Variants in PARM1 observed in about 807,000 individuals in gnomAD.
PARM1 encodes WSC4, cell wall integrity and stress response component 4 homolog.
PARM1 carries 14 observed loss-of-function variants against 24.6 expected under a neutral mutation model. The observed-to-expected ratio is 0.57, with a 90% CI of 0.38 to 0.89. The LOEUF (loss-of-function observed/expected upper bound fraction) is 0.89. Ranked by LOEUF, PARM1 falls within the 40% of genes least tolerant of loss-of-function variation. The pLI, the probability that PARM1 is intolerant of heterozygous loss-of-function variation, is 0.00. For synonymous variants in PARM1, 179 were observed against 156.6 expected (o/e 1.14, Z -1.07); for missense variants, 362 against 380.4 (o/e 0.95, Z 0.40).
chr4:74,933,481 G>C, intron 1 of PARM1, 111 bp downstream of exon 1: 1 of 882,798 alleles, frequency 1.1e-6, no homozygotes, highest in Non-Finnish European at 1.9e-6. Context: ...GCGCGCCTCC[G>C]GGTGAGTGCG....
intron 2 of PARM1, among the ~76,000 whole-genome samples, chr4:75,032,085 C>A (rs1463704190): frequency 6.6e-6 from 1 of 152,058 alleles, no homozygotes; most frequent in Non-Finnish European, 1.5e-5. Context: ...TCTGTCTTTA[C>A]AATAGTAAAA....
At chr4:75,001,612 G>A (rs1252719965) in intron 1 of PARM1, among the ~76,000 whole-genome samples, 1 of 152,176 alleles carries the variant, frequency 6.6e-6, no homozygotes, top group African/African-American at 2.4e-5. Flanking sequence ...TTTACTGCAT[G>A]CAAGTTGTAT....
intron 1 of PARM1, among the ~76,000 whole-genome samples, chr4:74,997,101 C>A (rs182874946): frequency 1.1e-4 from 17 of 152,282 alleles, no homozygotes; most frequent in African/African-American, 4.1e-4. Flanking sequence ...CTTGTGCTTC[C>A]TCCTGCAGAG....
intron 2 of PARM1, among the ~76,000 whole-genome samples, chr4:75,030,988 A>T (rs573828108): frequency 6.6e-6 from 1 of 152,354 alleles, no homozygotes; most frequent in Admixed American, 6.5e-5. Context: ...AAGCCTTTTC[A>T]GTCACCCTAT....
At chr4:75,020,641 CCA>C (rs1280067868) in intron 2 of PARM1, among the ~76,000 whole-genome samples, 1 of 152,176 alleles carries the variant, frequency 6.6e-6, no homozygotes, top group African/African-American at 2.4e-5. Context: ...AGGGTGAAGT[CCA>C]CACACCTTCA....
intron 2 of PARM1, among the ~76,000 whole-genome samples, chr4:75,029,406 A>G (rs1723237818): frequency 6.6e-6 from 1 of 152,018 alleles, no homozygotes; most frequent in South Asian, 2.1e-4. Context: ...CATGGGAGGG[A>G]CCCAGTGGGA....
intron 1 of PARM1, among the ~76,000 whole-genome samples, chr4:74,978,286 A>T (rs778964376): frequency 6.6e-6 from 1 of 152,226 alleles, no homozygotes; most frequent in Non-Finnish European, 1.5e-5. Context: ...TACCAAGCAC[A>T]TGGAAGCTGA....
chr4:74,994,437 A>G (rs1354185922), intron 1 of PARM1, among the ~76,000 whole-genome samples: 2 of 152,174 alleles, frequency 1.3e-5, no homozygotes, highest in Non-Finnish European at 2.9e-5. Context: ...TGCTCAGCTC[A>G]TTTACGGCTA....
At chr4:74,982,432 G>A (rs1427133975) in intron 1 of PARM1, among the ~76,000 whole-genome samples, 1 of 152,012 alleles carries the variant, frequency 6.6e-6, no homozygotes, top group Non-Finnish European at 1.5e-5. Context: ...TGTACATCCT[G>A]CACATGTACC....
At chr4:74,941,180 A>C (rs1721301597) in intron 1 of PARM1, among the ~76,000 whole-genome samples, 1 of 152,226 alleles carries the variant, frequency 6.6e-6, no homozygotes, top group South Asian at 2.1e-4. Context: ...TTTATCTTAA[A>C]AATTACAATG....
intron 1 of PARM1, among the ~76,000 whole-genome samples, chr4:75,000,617 T>C (rs947545473): frequency 6.6e-6 from 1 of 152,132 alleles, no homozygotes; most frequent in African/African-American, 2.4e-5. Context: ...GGCAAACACT[T>C]TTTCAGATGT....
At chr4:75,018,124 G>T (rs1723022837) in intron 2 of PARM1, among the ~76,000 whole-genome samples, 1 of 152,174 alleles carries the variant, frequency 6.6e-6, no homozygotes, top group Non-Finnish European at 1.5e-5. Context: ...CCAGGCATCT[G>T]GTTAAATACT....
chr4:74,962,724 C>T (rs1721803444), intron 1 of PARM1, among the ~76,000 whole-genome samples: 1 of 152,166 alleles, frequency 6.6e-6, no homozygotes, highest in Non-Finnish European at 1.5e-5. Context: ...TTCATAGAAA[C>T]AGAAAGTAGA....
intron 1 of PARM1, among the ~76,000 whole-genome samples, chr4:74,987,951 A>G (rs921229285): frequency 5.9e-5 from 9 of 152,182 alleles, no homozygotes; most frequent in Non-Finnish European, 1.2e-4. Flanking sequence ...TCAATTTCAC[A>G]TTTACTGTGT....
chr4:74,956,759 A>G (rs1321342991), intron 1 of PARM1: 4 of 152,216 alleles, frequency 2.6e-5, no homozygotes, highest in Non-Finnish European at 5.9e-5. Context: ...TGCCAATGTT[A>G]AACCTTTTTT....
chr4:74,998,259 G>T (rs1288285582), intron 1 of PARM1, among the ~76,000 whole-genome samples: 1 of 152,204 alleles, frequency 6.6e-6, no homozygotes, highest in Admixed American at 6.5e-5. Flanking sequence ...ATGTGGCTGT[G>T]TGTACCCAAG....
chr4:74,972,247 G>A (rs754762601), intron 1 of PARM1, among the ~76,000 whole-genome samples: 18 of 152,198 alleles, frequency 1.2e-4, no homozygotes, highest in Non-Finnish European at 2.2e-4. Context: ...CAAGATTGTG[G>A]TCTACTGTTG....
At chr4:74,980,626 T>A (rs1192464135) in intron 1 of PARM1, among the ~76,000 whole-genome samples, 1 of 152,182 alleles carries the variant, frequency 6.6e-6, no homozygotes, top group Non-Finnish European at 1.5e-5. Flanking sequence ...AAAATTCATA[T>A]GGAATCAAAA....
Position 75,025,577 on chromosome 4 carries a change from T to C in PARM1, c.770-8306T>C, listed in dbSNP as rs557157058. On this transcript the variant is annotated intron_variant, in intron 2 of 3. Coordinates refer to ENST00000307428, the MANE Select transcript of PARM1 (RefSeq NM_015393.4). ...CTTTAAAACCATGGTAACCAAGAACTGTGCCGTCATGTGTGCCTGGTTTGC... is the reference window on the plus strand; with the variant it reads ...CTTTAAAACCATGGTAACCAAGAACCGTGCCGTCATGTGTGCCTGGTTTGC... 1.6e-4 allele frequency among the ~76,000 whole-genome samples: 25 copies of C among 152,290 alleles called. No homozygotes were observed. In the East Asian group the frequency reaches 4.1e-3, roughly 25 times the overall value.
Sources: gnomAD v4.1 joint callset for allele counts (sites outside exome capture counted in the v4.1 genomes callset) on GRCh38, gnomAD v4.1.1 for gene constraint, MANE v1.5 for transcripts, NCBI Gene and HGNC (gene_info 2026-07-23, HGNC 2026-07-21) for gene names.